The following SMC6 variants were observed in gnomAD, a reference collection of about 807,000 sequenced individuals.
The protein encoded by SMC6 is structural maintenance of chromosomes 6.
In SMC6, 79 loss-of-function variants were observed where a neutral mutation model predicts 142.2. That is an observed-to-expected ratio of 0.56 (90% CI 0.46 to 0.67). The LOEUF is 0.67. Among genes scored for constraint, SMC6 ranks in the 30% least tolerant of loss-of-function variants. The pLI is 0.00. For synonymous variants in SMC6, 411 were observed against 412.4 expected (o/e 1.00, Z 0.04); for missense variants, 1,072 against 1,284.0 (o/e 0.83, Z 2.52).
At chr2:17,705,782 C>T (rs2033097) in intron 18 of SMC6, among the ~76,000 whole-genome samples, 77,891 of 152,018 alleles carry the variant, frequency 0.51, 22,640 homozygotes, top group African/African-American at 0.78. Flanking sequence ...CATTTTCATA[C>T]AGTGTTCCTC....
chr2:17,747,323 T>C (rs1670802668), intron 2 of SMC6, among the ~76,000 whole-genome samples: 1 of 152,180 alleles, frequency 6.6e-6, no homozygotes. Context: ...TAGCAGTTGC[T>C]GTGGCTAAGG....
At chr2:17,747,944 T>C (rs1490075021) in intron 2 of SMC6, among the ~76,000 whole-genome samples, 1 of 152,210 alleles carries the variant, frequency 6.6e-6, no homozygotes, top group Non-Finnish European at 1.5e-5. Context: ...GCAAATAACA[T>C]CTTACTATTA....
intron 25 of SMC6, among the ~76,000 whole-genome samples, chr2:17,677,085 G>A (rs1453405065): frequency 6.6e-6 from 1 of 152,106 alleles, no homozygotes; most frequent in Non-Finnish European, 1.5e-5. Context: ...TTCTACTTCT[G>A]AATATAAATG....
intron 25 of SMC6, among the ~76,000 whole-genome samples, chr2:17,674,898 T>C (rs1296904896): frequency 2.0e-5 from 3 of 152,112 alleles, no homozygotes. Context: ...ATCTTCTCTG[T>C]CCTTATGTTA....
Position 17,752,971 on chromosome 2 carries a change from G to C in SMC6, c.-6+7C>G. The C allele has an allele frequency of 1.0e-6, 1 of 974,178 alleles. No individual in the cohort carries two copies. The highest frequency in any genetic ancestry group is 1.2e-6 in the Non-Finnish European group (1 of 819,728). The allele number at this position is 974,178 out of a possible 1,614,324, so 60.3% of individuals were successfully genotyped here. A position where few individuals can be genotyped will look rare whatever the true frequency, so the allele number is the denominator to read the frequency against. ...AATGATTGCTCTAAGAATTTTCACA[G>C]TATTACCTCAAACCCTATTGGTTCT... On this transcript the variant is annotated splice_region_variant and intron_variant, in intron 2 of 27. Transcript: ENST00000448223.
At chr2:17,694,162 G>A (rs1029067814) in intron 23 of SMC6, among the ~76,000 whole-genome samples, 5 of 152,132 alleles carry the variant, frequency 3.3e-5, no homozygotes, top group Admixed American at 6.6e-5. Flanking sequence ...CTTCATGGAG[G>A]TAGAGTTGAA....
chr2:17,712,158 T>G (rs1668858583), intron 16 of SMC6, among the ~76,000 whole-genome samples: 1 of 152,106 alleles, frequency 6.6e-6, no homozygotes, highest in African/African-American at 2.4e-5. Context: ...AAGGTAAATA[T>G]CAACCGGATT....
At position 17,700,203 on chromosome 2, in the gene SMC6, T is replaced by A. The variant is rs1269634371; in HGVS notation, c.2394+5A>T. ...CATACGTAACACAGTACCAAAAATA[T>A]ATACCTTAAGTGGGTCTGCTAGCTC... On this transcript the variant is annotated splice_donor_5th_base_variant and intron_variant, in intron 21 of 27. Transcript: ENST00000448223. 6.3e-7 allele frequency: 1 copy of A among 1,575,044 alleles called. No individual in the cohort carries two copies. The highest frequency in any genetic ancestry group is 8.6e-7 in the Non-Finnish European group (1 of 1,160,540).
At chr2:17,684,393 C>T (rs1288226376) in intron 23 of SMC6, among the ~76,000 whole-genome samples, 3 of 152,100 alleles carry the variant, frequency 2.0e-5, no homozygotes, top group Non-Finnish European at 4.4e-5. Flanking sequence ...TAACAAAAAA[C>T]GCGCTGGCAC....
chr2:17,752,618 A>G (rs1671103154), intron 2 of SMC6, among the ~76,000 whole-genome samples: 1 of 152,244 alleles, frequency 6.6e-6, no homozygotes, highest in Non-Finnish European at 1.5e-5. Flanking sequence ...AGCAAAAGAA[A>G]TTTGAAATAC....
chr2:17,722,941 G>C (rs1316464143), intron 9 of SMC6, among the ~76,000 whole-genome samples: 1 of 149,430 alleles, frequency 6.7e-6, no homozygotes, highest in Admixed American at 6.7e-5. Context: ...TTTCCACTTG[G>C]ATGCTTTTAT....
At chr2:17,739,879 AACACACACACAC>A (rs60784309) in intron 4 of SMC6, among the ~76,000 whole-genome samples, 3,788 of 115,512 alleles carry the variant, frequency 0.033, 87 homozygotes, top group African/African-American at 0.056. Context: ...GAATATGGTA[AACACACACACAC>A]ACACACACAC....
At chr2:17,678,803 G>C in intron 25 of SMC6, 56 bp downstream of exon 25, 1 of 1,317,768 alleles carries the variant, frequency 7.6e-7, no homozygotes, top group Non-Finnish European at 1.1e-6. Flanking sequence ...AAATAGAAAA[G>C]AAAAGAAACA....
chr2:17,743,428 C>T (rs1324745475), intron 3 of SMC6, among the ~76,000 whole-genome samples: 1 of 152,042 alleles, frequency 6.6e-6, no homozygotes, highest in Non-Finnish European at 1.5e-5. Context: ...TTTTTTAATA[C>T]TTAATTTTTT....
chr2:17,717,236 C>A (rs778255940), intron 12 of SMC6, 60 bp from the exon 13 acceptor site: 1 of 1,242,064 alleles, frequency 8.1e-7, no homozygotes, highest in Non-Finnish European at 1.1e-6. Context: ...CCATTCACGT[C>A]CACTTTTGTC....
At position 17,738,103 on chromosome 2, in the gene SMC6, T is replaced by G; in HGVS notation, c.344+118A>C. 4.3e-6 allele frequency: 3 copies of G among 691,384 alleles called. No homozygotes were observed. In the South Asian group the frequency reaches 5.8e-5, roughly 13 times the overall value. The allele number at this position is 691,384 out of a possible 1,614,324, so 42.8% of individuals were successfully genotyped here. ...GAAAGGAATGAAAAAATAGGACACC[T>G]CTGCTCCTGTTCTGGGAAGGCACTT... On this transcript the variant is annotated intron_variant, in intron 5 of 27. Coordinates refer to ENST00000448223, the MANE Select transcript of SMC6 (RefSeq NM_001142286.2).
chr2:17,743,720 T>C (rs1299026630), intron 3 of SMC6, among the ~76,000 whole-genome samples: 1 of 152,184 alleles, frequency 6.6e-6, no homozygotes, highest in Non-Finnish European at 1.5e-5. Context: ...TTTACTGCGC[T>C]AAAAATCCGG....
Position 17,688,046 on chromosome 2 carries a change from G to C in SMC6, c.2679-4283C>G, listed in dbSNP as rs79581786. 4.7e-3 allele frequency among the ~76,000 whole-genome samples: 721 copies of C among 152,208 alleles called. 3 individuals are homozygous for C. Among genetic ancestry groups the C allele is most frequent in the African/African-American group, 0.016 (669 of 41,542 alleles). ...GAAAAAAAGACAGAAACAAGGAATA[G>C]GTTAAGGTTAAAAAGCCCTTTGTGG... On this transcript the variant is annotated intron_variant, in intron 23 of 27. Transcript: ENST00000448223.
rs542454530 is a variant in SMC6, at chr2:17,747,404, G to C, written c.-5-1453C>G. ...ATATGGAGGGAAGCAGTTCTCAAAG[G>C]TTGTAATCTCTTTTACAAAGGACTT... On this transcript the variant is annotated intron_variant, in intron 2 of 27. Transcript: ENST00000448223. Among the ~76,000 whole-genome samples, 60 of 152,124 alleles carry C rather than the reference G, an allele frequency of 3.9e-4. No homozygotes were observed. The South Asian group carries it at 0.012, about 30-fold the overall frequency.
Sources: allele counts gnomAD v4.1 joint callset (sites outside exome capture counted in the v4.1 genomes callset), GRCh38; gene constraint gnomAD v4.1.1; transcripts MANE v1.5; gene names NCBI Gene and HGNC (gene_info 2026-07-23, HGNC 2026-07-21).